PTCD3: variants seen among roughly 807,000 people sequenced by gnomAD.
PTCD3 encodes the protein small ribosomal subunit protein mS39.
In PTCD3, 89 loss-of-function variants were observed where a neutral mutation model predicts 101.9. The ratio of observed to expected loss-of-function variants is 0.87; its 90% CI spans 0.74 to 1.04. PTCD3 has a LOEUF of 1.04. PTCD3 is among the 50% of genes least tolerant of loss of function. PTCD3 has a pLI of 0.00. For missense variants in PTCD3, 870 were observed against 828.2 expected (o/e 1.05, Z -0.62); for synonymous variants, 296 against 278.5 (o/e 1.06, Z -0.63).
chr2:86,111,223 C>A, intron 4 of PTCD3, 65 bp downstream of exon 4: 1 of 1,312,402 alleles, frequency 7.6e-7, no homozygotes, highest in Non-Finnish European at 1.1e-6. Flanking sequence ...TTTAACTCGG[C>A]TAATAACACA....
At chr2:86,122,604 T>G (rs1674304062) in intron 8 of PTCD3, among the ~76,000 whole-genome samples, 1 of 141,506 alleles carries the variant, frequency 7.1e-6, no homozygotes, top group South Asian at 2.5e-4. Context: ...GGAGGGCGGG[T>G]AGACATAGGG....
chr2:86,129,206 G>C lies in PTCD3; in HGVS notation c.1147+1215G>C, dbSNP rs142244399. On this transcript the variant is annotated intron_variant, in intron 14 of 23. Transcript: ENST00000254630. ...AGATTGTGATGGAGCTAGTATTTCT[G>C]ACTCCAAAGTATATTCCTTTCCTCT... Among the ~76,000 whole-genome samples the C allele has an allele frequency of 2.0e-5, 3 of 152,166 alleles. No individual in the cohort carries two copies. The East Asian group carries it at 5.8e-4, about 29-fold the overall frequency.
intron 13 of PTCD3, chr2:86,127,609 C>T (rs1674419275): frequency 2.2e-6 from 1 of 460,960 alleles, no homozygotes; most frequent in South Asian, 3.1e-5. Flanking sequence ...GTATTTGAAC[C>T]TAAGTGTGTG....
chr2:86,125,569 C>G, intron 11 of PTCD3, 54 bp downstream of exon 11: 1 of 1,516,462 alleles, frequency 6.6e-7, no homozygotes, highest in Non-Finnish European at 9.2e-7. Context: ...TTTTAATTGT[C>G]TGTGTGAAGG....
At chr2:86,113,710 G>C (rs1192831426) in intron 4 of PTCD3, among the ~76,000 whole-genome samples, 1 of 152,108 alleles carries the variant, frequency 6.6e-6, no homozygotes, top group African/African-American at 2.4e-5. Context: ...GGGAGGCTGA[G>C]GTGAGGCTCA....
chr2:86,112,010 C>G (rs1449923754), intron 4 of PTCD3: 1 of 148,982 alleles, frequency 6.7e-6, no homozygotes, highest in African/African-American at 2.5e-5. Context: ...TCCCAAAGTG[C>G]TGGGATTACA....
rs1373976224 is a variant in PTCD3 at position 86,134,392 on chromosome 2, C to CA, written c.1629+16dup. ...ACCCACCAGAGGTAGGCCTGAAACT[C>CA]ACCAGCCAGTATATCCTCCCATACT... On this transcript the variant is annotated intron_variant, in intron 20 of 23. Transcript: ENST00000254630. 2 of 1,588,148 alleles carry CA rather than the reference C, an allele frequency of 1.3e-6. No homozygotes were observed. The highest frequency in any genetic ancestry group is 8.6e-7 in the Non-Finnish European group (1 of 1,156,780).
At chr2:86,125,573 G>T (rs1674368490) in intron 11 of PTCD3, 58 bp downstream of exon 11, 1 of 1,513,560 alleles carries the variant, frequency 6.6e-7, no homozygotes, top group Non-Finnish European at 9.2e-7. Context: ...AATTGTCTGT[G>T]TGAAGGCTTT....
chr2:86,108,958 G>GAT (rs1222572675), intron 3 of PTCD3: 1 of 160,850 alleles, frequency 6.2e-6, no homozygotes, highest in Non-Finnish European at 1.3e-5. Context: ...TTATTCACTG[G>GAT]ATATATCCTT....
At chr2:86,121,800 A>G (rs1380452212) in intron 8 of PTCD3, among the ~76,000 whole-genome samples, 2 of 152,242 alleles carry the variant, frequency 1.3e-5, no homozygotes, top group African/African-American at 4.8e-5. Flanking sequence ...CTTTTTAACA[A>G]TATGTTGTCC....
In PTCD3 at chr2:86,139,970, A is replaced by G. The variant is rs1218401697; in HGVS notation, c.*2411A>G. On this transcript the variant is annotated 3_prime_UTR_variant, in exon 24 of 24. Coordinates refer to ENST00000254630, the MANE Select transcript of PTCD3 (RefSeq NM_017952.6). ...TGGTTCAACATTTGAGGGTTGTTTT[A>G]TAGCCATCAAAGTATTCAAGAGGTT... 6.6e-6 allele frequency: 1 copy of G among 152,234 alleles called. No homozygotes were observed. Among genetic ancestry groups the G allele is most frequent in the Non-Finnish European group, 1.5e-5 (1 of 68,050 alleles). 9.4% of individuals were successfully genotyped at this position (152,234 alleles called of 1,614,324 possible).
Position 86,125,091 on chromosome 2 carries a change from GTTTTA to G in PTCD3, c.804+13_804+17del. 1.2e-6 allele frequency: 2 copies of G among 1,612,548 alleles called. No individual in the cohort carries two copies. Among genetic ancestry groups the G allele is most frequent in the Non-Finnish European group, 1.7e-6 (2 of 1,179,620 alleles). On this transcript the variant is annotated intron_variant, in intron 10 of 23. Transcript: ENST00000254630. ...TCCGAGGAATGGTGAAGGTACATTTGTTTTATTTATTTTTGTCTTTCATTTCCACC... is the reference window on the plus strand; with the variant it reads ...TCCGAGGAATGGTGAAGGTACATTTGTTTATTTTTGTCTTTCATTTCCACC...
chr2:86,111,734 T>G (rs1323161237), intron 4 of PTCD3: 1 of 156,498 alleles, frequency 6.4e-6, no homozygotes, highest in African/African-American at 2.4e-5. Context: ...ATCTGTTTTT[T>G]GTTTGTTTGT....
At chr2:86,125,317 C>G (rs1573854435) in intron 10 of PTCD3, 138 bp from the exon 11 acceptor site, 1 of 1,090,762 alleles carries the variant, frequency 9.2e-7, no homozygotes, top group East Asian at 2.5e-5. Context: ...GAAAATCCCA[C>G]TGCACTAGAG....
At chr2:86,108,562 A>G in intron 3 of PTCD3, 26 bp downstream of exon 3, 1 of 1,578,780 alleles carries the variant, frequency 6.3e-7, no homozygotes. Flanking sequence ...GTGTTCATTC[A>G]GCAAATGGTT....
Position 86,133,410 on chromosome 2 carries a change from T to C in PTCD3, c.1517T>C (p.Leu506Pro), listed in dbSNP as rs773499474. Residue 506 changes from leucine (L) to proline (P), a missense_variant, in exon 19 of 24, where the codon CTA becomes CCA. Physicochemically the swap from Leu to Pro is moderately conservative, Grantham distance 98. Transcript: ENST00000254630. Reference sequence around the variant, plus strand: ...CAAGCATTGGATGTGGCCAATCGGCTAGAAGTGATTCCTAAAATTTGGAAA... The same window carrying C: ...CAAGCATTGGATGTGGCCAATCGGCCAGAAGTGATTCCTAAAATTTGGAAA... ...LLQALDVANR[L>P]EVIPKIWKDS... 2 of 1,614,094 alleles carry C rather than the reference T, an allele frequency of 1.2e-6. No homozygotes were observed. The highest frequency in any genetic ancestry group is 1.7e-5 in the Admixed American group (1 of 60,022).
At chr2:86,108,642 A>G (rs779417231) in intron 3 of PTCD3, 106 bp downstream of exon 3, 24 of 1,138,466 alleles carry the variant, frequency 2.1e-5, no homozygotes, top group South Asian at 1.1e-4. Flanking sequence ...ATAGGAGAGC[A>G]TTCTTGAAGA....
Position 86,117,130 on chromosome 2 carries a change from CAGA to C in PTCD3, c.388_390del (p.Lys130del), listed in dbSNP as rs1227680606. 16 of 1,401,354 alleles carry C rather than the reference CAGA, an allele frequency of 1.1e-5. No individual in the cohort carries two copies. In the South Asian group the frequency reaches 1.7e-4, roughly 15 times the overall value. The allele number at this position is 1,401,354 out of a possible 1,614,324, so 86.8% of individuals were successfully genotyped here. ...TATTAATTCATACCCCAAATATTTT[CAGA>C]AGGACATAGCTGAACCTCATATACC... is the stretch of plus-strand genomic sequence containing the variant. On this transcript the variant is annotated inframe_deletion, in exon 6 of 24. Transcript: ENST00000254630.
intron 14 of PTCD3, among the ~76,000 whole-genome samples, chr2:86,130,311 A>G (rs1268120591): frequency 1.3e-5 from 2 of 152,088 alleles, no homozygotes; most frequent in Non-Finnish European, 2.9e-5. Flanking sequence ...AAAAAAAAAA[A>G]ATTTTGTTTT....
Sources: allele counts gnomAD v4.1 joint callset (sites outside exome capture counted in the v4.1 genomes callset), GRCh38; gene constraint gnomAD v4.1.1; transcripts MANE v1.5; gene names NCBI Gene and HGNC (gene_info 2026-07-23, HGNC 2026-07-21).